Variants in LDAF1 observed in about 807,000 individuals in gnomAD.
LDAF1 encodes the protein PROMETHIN.
A neutral mutation model predicts 13.5 loss-of-function variants in LDAF1; 7 were observed. That is an observed-to-expected ratio of 0.52 (90% CI 0.29 to 0.97). The LOEUF (loss-of-function observed/expected upper bound fraction) is 0.97, where lower values mean the gene tolerates loss of function less well. Among genes scored for constraint, LDAF1 ranks in the 50% least tolerant of loss-of-function variants. The pLI is 0.07. For synonymous variants in LDAF1, 69 were observed against 77.1 expected, an observed-to-expected ratio of 0.89 and a Z score of 0.55; for missense variants, 148 against 193.2, an observed-to-expected ratio of 0.77 and a Z score of 1.39.
chr16:21,173,703 A>ATT (rs1555456067), intron 3 of LDAF1, among the ~76,000 whole-genome samples: 1 of 150,720 alleles, frequency 6.6e-6, no homozygotes, highest in East Asian at 1.9e-4. Flanking sequence ...GCAGAGCAAG[A>ATT]CTGTCTCAAA....
chr16:21,165,697 T>A, intron 2 of LDAF1: 1 of 810,294 alleles, frequency 1.2e-6, no homozygotes, highest in Non-Finnish European at 1.5e-6. Flanking sequence ...TTTAATCATG[T>A]CATAGTTCTG....
chr16:21,173,925 G>A, intron 3 of LDAF1, 85 bp from the exon 4 acceptor site: 2 of 1,335,508 alleles, frequency 1.5e-6, no homozygotes, highest in Non-Finnish European at 2.0e-6. Flanking sequence ...GTTAGCGGTT[G>A]TTATTTTAAA....
intron 4 of LDAF1, among the ~76,000 whole-genome samples, chr16:21,175,455 G>A (rs914684199): frequency 2.0e-5 from 3 of 152,136 alleles, no homozygotes; most frequent in Admixed American, 6.5e-5. Context: ...TTCTGGAAAG[G>A]GCCAGACAGG....
At chr16:21,162,048 C>G (rs1406332424) in intron 2 of LDAF1, among the ~76,000 whole-genome samples, 2 of 151,654 alleles carry the variant, frequency 1.3e-5, no homozygotes, top group Non-Finnish European at 1.5e-5. Context: ...CCCAGCTACT[C>G]GGGAGGCTGA....
intron 2 of LDAF1, among the ~76,000 whole-genome samples, chr16:21,161,754 G>C (rs1049247487): frequency 3.3e-5 from 5 of 152,132 alleles, no homozygotes; most frequent in African/African-American, 1.2e-4. Context: ...TTCAAGATTT[G>C]AGTTCATTGT....
chr16:21,166,892 T>G (rs1436960997), intron 2 of LDAF1: 1 of 1,535,578 alleles, frequency 6.5e-7, no homozygotes, highest in Non-Finnish European at 8.7e-7. Context: ...GTGTCCAGGC[T>G]GGGCAGTGCT....
intron 3 of LDAF1, 25 bp downstream of exon 3, chr16:21,170,630 T>G: frequency 1.9e-6 from 3 of 1,612,256 alleles, no homozygotes; most frequent in Non-Finnish European, 2.5e-6. Flanking sequence ...CATTCACCCC[T>G]TTAGAAAATA....
rs2092969962 is a variant in LDAF1 at position 21,161,195 on chromosome 16, G to T, written c.13G>T (p.Glu5Ter). ...AGTGAGCTTCAGAATGGCAAAAGAG[G>T]AGCCCCAGAGTATCTCAAGGGACTT... MAKE[E>*]PQSISRDLQE... is the part of the protein sequence containing the mutation. Residue 5 changes from glutamate (E) to a stop codon, truncating the protein, a stop_gained, in exon 2 of 5, where the codon GAG (glutamate) becomes TAG (stop). Transcript: ENST00000233047. LOFTEE classifies it high-confidence loss of function. 1.2e-6 allele frequency: 2 copies of T among 1,614,136 alleles called. No homozygotes were observed. The highest frequency in any genetic ancestry group is 1.7e-6 in the Non-Finnish European group (2 of 1,180,026).
chr16:21,159,820 C>T (rs940728003), intron 1 of LDAF1: 2 of 801,498 alleles, frequency 2.5e-6, no homozygotes, highest in African/African-American at 3.7e-5. Flanking sequence ...GCTCCCAGGC[C>T]AAAGGAGACC....
At chr16:21,177,134 C>T (rs1291186364) in intron 4 of LDAF1, 1 of 152,140 alleles carries the variant, frequency 6.6e-6, no homozygotes, top group East Asian at 1.9e-4. Flanking sequence ...TTACATTTTA[C>T]AGATCTCTTT....
At chr16:21,178,505 C>T (rs1318077538) in intron 4 of LDAF1, 2 of 536,240 alleles carry the variant, frequency 3.7e-6, no homozygotes, top group Non-Finnish European at 4.8e-6. Flanking sequence ...AAACTGGAGA[C>T]AGCCCAGGGC....
At chr16:21,168,725 AATATT>A (rs902446927) in intron 2 of LDAF1, among the ~76,000 whole-genome samples, 76 of 134,464 alleles carry the variant, frequency 5.7e-4, no homozygotes, top group East Asian at 1.2e-3. Context: ...ATATATTTTT[AATATT>A]ATATTATATT....
In LDAF1 at chr16:21,174,127, T is replaced by C; in HGVS notation, c.383T>C (p.Ile128Thr). The C allele has an allele frequency of 6.2e-7, 1 of 1,611,100 alleles. No homozygotes were observed. Among genetic ancestry groups the C allele is most frequent in the Non-Finnish European group, 8.5e-7 (1 of 1,179,214 alleles). Residue 128 changes from isoleucine to threonine, a missense_variant, in exon 4 of 5, where the codon ATC becomes ACC. Physicochemically the swap from Ile to Thr is moderately conservative, Grantham distance 89. Transcript: ENST00000233047. Reference sequence around the variant, plus strand: ...TCTTATGTAGTGGTCTCCAGCCTCATCAGCTGCTGGTTTTCTCCCAGGTAA... The same window carrying C: ...TCTTATGTAGTGGTCTCCAGCCTCACCAGCTGCTGGTTTTCTCCCAGGTAA... ...IASYVVVSSL[I>T]SCWFSPRPLT...
At position 21,170,350 on chromosome 16, in the gene LDAF1, C is replaced by G. The variant is rs534574377; in HGVS notation, c.97-87C>G. 5.7e-6 allele frequency: 9 copies of G among 1,581,568 alleles called. No individual in the cohort carries two copies. The African/African-American group carries it at 1.2e-4, about 21-fold the overall frequency. On this transcript the variant is annotated intron_variant, in intron 2 of 4. Coordinates refer to ENST00000233047, the MANE Select transcript of LDAF1 (RefSeq NM_001301771.2). ...AGCCTTCTGGCTTTACGACTTCTGC[C>G]TTGTAATTCCCACAGCTTGGGCAGA... is the stretch of plus-strand genomic sequence containing the variant.
At chr16:21,166,121 C>CA (rs1313446579) in intron 2 of LDAF1, among the ~76,000 whole-genome samples, 4 of 152,264 alleles carry the variant, frequency 2.6e-5, no homozygotes, top group Non-Finnish European at 5.9e-5. Context: ...CTCAGCCTCC[C>CA]AAAGTGCTGG....
At chr16:21,171,538 T>G (rs927087513) in intron 3 of LDAF1, among the ~76,000 whole-genome samples, 8 of 152,114 alleles carry the variant, frequency 5.3e-5, no homozygotes, top group Non-Finnish European at 1.5e-5. Context: ...GAGGAATGAA[T>G]GAGTACCATA....
At chr16:21,165,155 C>G (rs571494145) in intron 2 of LDAF1, among the ~76,000 whole-genome samples, 8 of 152,214 alleles carry the variant, frequency 5.3e-5, no homozygotes, top group African/African-American at 1.9e-4. Flanking sequence ...ATTATAGAGC[C>G]CAGACTCGGA....
intron 1 of LDAF1, among the ~76,000 whole-genome samples, chr16:21,160,621 T>C (rs564768388): frequency 2.0e-5 from 3 of 152,370 alleles, no homozygotes; most frequent in African/African-American, 7.2e-5. Flanking sequence ...TCTTGCTTTC[T>C]GTATATTTTC....
chr16:21,178,255 A>G (rs1317838726), intron 4 of LDAF1: 1 of 985,182 alleles, frequency 1.0e-6, no homozygotes, highest in East Asian at 1.1e-4. Context: ...GCTCAGGAGA[A>G]GTAGGGGCCC....
Sources: allele counts gnomAD v4.1 joint callset (sites outside exome capture counted in the v4.1 genomes callset), GRCh38; gene constraint gnomAD v4.1.1; transcripts MANE v1.5; gene names NCBI Gene and HGNC (gene_info 2026-07-23, HGNC 2026-07-21).